S100A3: variants seen among roughly 807,000 people sequenced by gnomAD.
The protein encoded by S100A3 is S100 calcium binding protein A3, also known as protein S100-A3.
Under a neutral mutation model 8.0 loss-of-function variants are expected in S100A3, and 11 were observed. That is an observed-to-expected ratio of 1.37 (90% CI 0.86 to 2.27). S100A3 has a LOEUF of 2.27. Among genes scored for constraint, S100A3 ranks in the 30% most tolerant of loss-of-function variants. The pLI is 0.00. For synonymous variants in S100A3, 43 were observed against 49.6 expected (o/e 0.87, Z 0.56); for missense variants, 124 against 127.1 (o/e 0.98, Z 0.12).
At position 153,547,872 on chromosome 1, in the gene S100A3, G is replaced by A. The variant is rs769744379; in HGVS notation, c.142-26C>T. 3.1e-6 allele frequency: 5 copies of A among 1,605,844 alleles called. No homozygotes were observed. The East Asian group carries it at 1.1e-4, about 36-fold the overall frequency. On this transcript the variant is annotated intron_variant, in intron 2 of 2. Coordinates refer to ENST00000368713, the MANE Select transcript of S100A3 (RefSeq NM_002960.2). The surrounding 1 kb of genome is among the most constrained non-coding windows in gnomAD (Gnocchi z 4.0). ...CTGTGCAAGGGAAGGGTTGGGAGAG[G>A]TAAGGGAGTAGGATGAGGAGGGCAG...
Position 153,547,529 on chromosome 1 carries a change from C to G in S100A3, c.*153G>C. ...TCGCTGGGCATCCTGAGGAAGGAGCCCTCACATCTCTGGGCCTCCTAGGTA... is the reference window on the plus strand; with the variant it reads ...TCGCTGGGCATCCTGAGGAAGGAGCGCTCACATCTCTGGGCCTCCTAGGTA... On this transcript the variant is annotated 3_prime_UTR_variant, in exon 3 of 3. Transcript: ENST00000368713. This position sits in a 1 kb window ranked among gnomAD's most constrained non-coding sequence, Gnocchi z 4.0. The G allele has an allele frequency of 4.4e-5, 36 of 824,494 alleles. No individual in the cohort carries two copies. Among genetic ancestry groups the G allele is most frequent in the Non-Finnish European group, 6.0e-5 (33 of 545,508 alleles). The allele number at this position is 824,494 out of a possible 1,614,324, so 51.1% of individuals were successfully genotyped here.
chr1:153,547,546 T>C lies in S100A3; in HGVS notation c.*136A>G, dbSNP rs1665599897. The C allele has an allele frequency of 9.7e-7, 1 of 1,026,056 alleles. No individual in the cohort carries two copies. The highest frequency in any genetic ancestry group is 2.6e-5 in the Admixed American group (1 of 38,558). The allele number at this position is 1,026,056 out of a possible 1,614,324, so 63.6% of individuals were successfully genotyped here. Reference sequence around the variant, plus strand: ...GAAGGAGCCCTCACATCTCTGGGCCTCCTAGGTAAAATGGGTTAACTGATC... The same window carrying C: ...GAAGGAGCCCTCACATCTCTGGGCCCCCTAGGTAAAATGGGTTAACTGATC... On this transcript the variant is annotated 3_prime_UTR_variant, in exon 3 of 3. Transcript: ENST00000368713. The surrounding 1 kb of genome is among the most constrained non-coding windows in gnomAD (Gnocchi z 4.0).
In S100A3 at chr1:153,547,550, A is replaced by G. The variant is rs987966003; in HGVS notation, c.*132T>C. 3 of 1,052,350 alleles carry G rather than the reference A, an allele frequency of 2.9e-6. No homozygotes were observed. Among genetic ancestry groups the G allele is most frequent in the East Asian group, 5.0e-5 (2 of 40,220 alleles). 65.2% of individuals were successfully genotyped at this position (1,052,350 alleles called of 1,614,324 possible). ...GAGCCCTCACATCTCTGGGCCTCCT[A>G]GGTAAAATGGGTTAACTGATCGCAG... On this transcript the variant is annotated 3_prime_UTR_variant, in exon 3 of 3. Transcript: ENST00000368713. This position sits in a 1 kb window ranked among gnomAD's most constrained non-coding sequence, Gnocchi z 4.0.
chr1:153,547,824 T>G lies in S100A3; in HGVS notation c.164A>C (p.Tyr55Ser). Residue 55 changes from tyrosine to serine, a missense_variant, in exon 3 of 3, where the codon TAC becomes TCC. Coordinates refer to ENST00000368713, the MANE Select transcript of S100A3 (RefSeq NM_002960.2). The surrounding 1 kb of genome is among the most constrained non-coding windows in gnomAD (Gnocchi z 4.0). Reference sequence around the variant, plus strand: ...GTCCAGAACACTCATGAATTTGTTGTAGTCACATTCCCGAAACTCAGTCTG... The same window carrying G: ...GTCCAGAACACTCATGAATTTGTTGGAGTCACATTCCCGAAACTCAGTCTG... ...WTPTEFRECD[Y>S]NKFMSVLDTN... 1 of 1,613,878 alleles carries G rather than the reference T, an allele frequency of 6.2e-7. No homozygotes were observed. Among genetic ancestry groups the G allele is most frequent in the Non-Finnish European group, 8.5e-7 (1 of 1,179,864 alleles).
chr1:153,547,873 T>G lies in S100A3; in HGVS notation c.142-27A>C. ...TGTGCAAGGGAAGGGTTGGGAGAGG[T>G]AAGGGAGTAGGATGAGGAGGGCAGA... is the stretch of plus-strand genomic sequence containing the variant. On this transcript the variant is annotated intron_variant, in intron 2 of 2. Transcript: ENST00000368713. The surrounding 1 kb of genome is among the most constrained non-coding windows in gnomAD (Gnocchi z 4.0). The G allele has an allele frequency of 6.2e-7, 1 of 1,605,582 alleles. No individual in the cohort carries two copies. Among genetic ancestry groups the G allele is most frequent in the Non-Finnish European group, 8.5e-7 (1 of 1,174,210 alleles).
intron 2 of S100A3, among the ~76,000 whole-genome samples, chr1:153,548,129 C>T (rs1432098364): frequency 6.6e-6 from 1 of 152,208 alleles, no homozygotes; most frequent in African/African-American, 2.4e-5. Flanking sequence ...CTCTCAACAG[C>T]TCTGCAAGGC....
rs932707811 is a variant in S100A3 at position 153,547,863 on chromosome 1, T to C, written c.142-17A>G. 1 of 1,610,140 alleles carries C rather than the reference T, an allele frequency of 6.2e-7. No individual in the cohort carries two copies. Among genetic ancestry groups the C allele is most frequent in the Non-Finnish European group, 8.5e-7 (1 of 1,177,562 alleles). ...AAACTCAGTCTGTGCAAGGGAAGGG[T>C]TGGGAGAGGTAAGGGAGTAGGATGA... is the stretch of plus-strand genomic sequence containing the variant. On this transcript the variant is annotated splice_polypyrimidine_tract_variant and intron_variant, in intron 2 of 2. Coordinates refer to ENST00000368713, the MANE Select transcript of S100A3 (RefSeq NM_002960.2). This position sits in a 1 kb window ranked among gnomAD's most constrained non-coding sequence, Gnocchi z 4.0.
rs560999863 is a variant in S100A3, at chr1:153,547,624, A to C, written c.*58T>G. 729 of 1,576,162 alleles carry C rather than the reference A, an allele frequency of 4.6e-4. 4 individuals carry two copies. The African/African-American group carries it at 8.9e-3, about 19-fold the overall frequency. On this transcript the variant is annotated 3_prime_UTR_variant, in exon 3 of 3. Transcript: ENST00000368713. This position sits in a 1 kb window ranked among gnomAD's most constrained non-coding sequence, Gnocchi z 4.0. The stretch of plus-strand genomic sequence containing the variant: ...AAAGGGGTACAGGAGAGAGGGTAGG[A>C]GGGGGTGTGGGAGACATGCCCAGCC...
rs758395052 is a variant in S100A3, at chr1:153,547,860, G to T, written c.142-14C>A. On this transcript the variant is annotated splice_polypyrimidine_tract_variant and intron_variant, in intron 2 of 2. Coordinates refer to ENST00000368713, the MANE Select transcript of S100A3 (RefSeq NM_002960.2). The surrounding 1 kb of genome is among the most constrained non-coding windows in gnomAD (Gnocchi z 4.0). Reference sequence around the variant, plus strand: ...CCGAAACTCAGTCTGTGCAAGGGAAGGGTTGGGAGAGGTAAGGGAGTAGGA... The same window carrying T: ...CCGAAACTCAGTCTGTGCAAGGGAATGGTTGGGAGAGGTAAGGGAGTAGGA... 4 of 1,611,090 alleles carry T rather than the reference G, an allele frequency of 2.5e-6. No homozygotes were observed. Among genetic ancestry groups the T allele is most frequent in the Non-Finnish European group, 3.4e-6 (4 of 1,177,868 alleles).
At chr1:153,548,613 C>T in intron 1 of S100A3, 123 bp from the exon 2 acceptor site, 1 of 1,303,272 alleles carries the variant, frequency 7.7e-7, no homozygotes, top group Non-Finnish European at 1.0e-6. Flanking sequence ...AGGCTTCAGG[C>T]CCCGCAGTCT....
rs368940693 is a variant in S100A3 at position 153,547,880 on chromosome 1, G to C, written c.142-34C>G. 1 of 1,598,258 alleles carries C rather than the reference G, an allele frequency of 6.3e-7. No homozygotes were observed. The highest frequency in any genetic ancestry group is 8.6e-7 in the Non-Finnish European group (1 of 1,168,982). On this transcript the variant is annotated intron_variant, in intron 2 of 2. Transcript: ENST00000368713. This position sits in a 1 kb window ranked among gnomAD's most constrained non-coding sequence, Gnocchi z 4.0. ...GGGAAGGGTTGGGAGAGGTAAGGGA[G>C]TAGGATGAGGAGGGCAGAACAGCCT...
chr1:153,547,735 A>G lies in S100A3; in HGVS notation c.253T>C (p.Tyr85His). The G allele has an allele frequency of 6.2e-7, 1 of 1,614,098 alleles. No homozygotes were observed. Among genetic ancestry groups the G allele is most frequent in the Non-Finnish European group, 8.5e-7 (1 of 1,179,964 alleles). The change falls in exon 3 of 3, where the codon TAC (tyrosine) becomes CAC (histidine). Residue 85 changes from tyrosine (Y) to histidine (H), a missense_variant. By Grantham distance (83) the Tyr-to-His change is moderately conservative. Transcript: ENST00000368713. This position sits in a 1 kb window ranked among gnomAD's most constrained non-coding sequence, Gnocchi z 4.0. Reference protein sequence around the residue: ...YVRSLACLCLYCHEYFKDCPS... With the variant: ...YVRSLACLCLHCHEYFKDCPS... ...CAGTCCTTGAAGTACTCGTGGCAGT[A>G]GAGACAGAGGCAGGCAAGTGAGCGC...
In S100A3 at chr1:153,547,660, A is replaced by G; in HGVS notation, c.*22T>C. The G allele has an allele frequency of 6.2e-7, 1 of 1,609,844 alleles. No individual in the cohort carries two copies. Among genetic ancestry groups the G allele is most frequent in the Non-Finnish European group, 8.5e-7 (1 of 1,177,350 alleles). Reference sequence around the variant, plus strand: ...GAGACATGCCCAGCCCCCGACAGCCAGCGCACCCCCTGGAGCAGAGGCTAC... The same window carrying G: ...GAGACATGCCCAGCCCCCGACAGCCGGCGCACCCCCTGGAGCAGAGGCTAC... On this transcript the variant is annotated 3_prime_UTR_variant, in exon 3 of 3. Transcript: ENST00000368713. The surrounding 1 kb of genome is among the most constrained non-coding windows in gnomAD (Gnocchi z 4.0).
chr1:153,548,580 C>T, intron 1 of S100A3, 90 bp from the exon 2 acceptor site: 1 of 1,485,212 alleles, frequency 6.7e-7, no homozygotes, highest in Non-Finnish European at 8.9e-7. Context: ...GAGACTGTTC[C>T]CAGACCCATC....
In S100A3 at chr1:153,548,221, C is replaced by A. The variant is rs1042544057; in HGVS notation, c.141+124G>T. On this transcript the variant is annotated intron_variant, in intron 2 of 2. Transcript: ENST00000368713. ...TCAGTTCTCCCCCTCCCACTCCCTCCTCACAATCCAGCCCCCTCCCTTGCT... is the reference window on the plus strand; with the variant it reads ...TCAGTTCTCCCCCTCCCACTCCCTCATCACAATCCAGCCCCCTCCCTTGCT... The A allele has an allele frequency of 9.2e-6, 12 of 1,299,694 alleles. No individual in the cohort carries two copies. The African/African-American group carries it at 1.7e-4, about 19-fold the overall frequency. 80.5% of individuals were successfully genotyped at this position (1,299,694 alleles called of 1,614,324 possible).
chr1:153,548,118 C>T (rs1178415561), intron 2 of S100A3, among the ~76,000 whole-genome samples: 1 of 152,166 alleles, frequency 6.6e-6, no homozygotes, highest in Non-Finnish European at 1.5e-5. Flanking sequence ...CTCACTCAGT[C>T]CTCTCAACAG....
In S100A3 at chr1:153,547,991, G is replaced by C. The variant is rs920765026; in HGVS notation, c.142-145C>G. On this transcript the variant is annotated intron_variant, in intron 2 of 2. Transcript: ENST00000368713. This position sits in a 1 kb window ranked among gnomAD's most constrained non-coding sequence, Gnocchi z 4.0. Reference sequence around the variant, plus strand: ...TCTGAGGGCCGACTTCAACCTCCCTGCTCTGATAATGCACTCGTTGCAATC... The same window carrying C: ...TCTGAGGGCCGACTTCAACCTCCCTCCTCTGATAATGCACTCGTTGCAATC... 9.9e-6 allele frequency: 8 copies of C among 808,882 alleles called. No individual in the cohort carries two copies. The South Asian group carries it at 1.3e-4, about 14-fold the overall frequency. 50.1% of individuals were successfully genotyped at this position (808,882 alleles called of 1,614,324 possible).
At position 153,547,552 on chromosome 1, in the gene S100A3, G is replaced by A. The variant is rs1184432951; in HGVS notation, c.*130C>T. 3 of 1,105,788 alleles carry A rather than the reference G, an allele frequency of 2.7e-6. No individual in the cohort carries two copies. The highest frequency in any genetic ancestry group is 3.8e-6 in the Non-Finnish European group (3 of 784,530). The allele number at this position is 1,105,788 out of a possible 1,614,324, so 68.5% of individuals were successfully genotyped here. ...GCCCTCACATCTCTGGGCCTCCTAG[G>A]TAAAATGGGTTAACTGATCGCAGAA... is the stretch of plus-strand genomic sequence containing the variant. On this transcript the variant is annotated 3_prime_UTR_variant, in exon 3 of 3. Coordinates refer to ENST00000368713, the MANE Select transcript of S100A3 (RefSeq NM_002960.2). This position sits in a 1 kb window ranked among gnomAD's most constrained non-coding sequence, Gnocchi z 4.0.
In S100A3 at chr1:153,547,927, C is replaced by A; in HGVS notation, c.142-81G>T. ...GCCTCACACGCCACCTCCCTCCTTC[C>A]TCTCCCAAGTGGACCCACCCCACCC... is the stretch of plus-strand genomic sequence containing the variant. On this transcript the variant is annotated intron_variant, in intron 2 of 2. Transcript: ENST00000368713. The surrounding 1 kb of genome is among the most constrained non-coding windows in gnomAD (Gnocchi z 4.0). 6.8e-7 allele frequency: 1 copy of A among 1,475,658 alleles called. No homozygotes were observed. The highest frequency in any genetic ancestry group is 9.3e-7 in the Non-Finnish European group (1 of 1,075,322). The allele number at this position is 1,475,658 out of a possible 1,614,324, so 91.4% of individuals were successfully genotyped here. A position where few individuals can be genotyped will look rare whatever the true frequency, so the allele number is the denominator to read the frequency against.
Sources: allele counts gnomAD v4.1 joint callset (sites outside exome capture counted in the v4.1 genomes callset), GRCh38; gene constraint gnomAD v4.1.1; non-coding constraint Gnocchi (gnomAD v3.1); transcripts MANE v1.5; gene names NCBI Gene and HGNC (gene_info 2026-07-23, HGNC 2026-07-21).